VPS50: variants seen among roughly 807,000 people sequenced by gnomAD.
VPS50 encodes the protein VPS50 subunit of EARP/GARPII complex.
VPS50 carries 70 observed loss-of-function variants against 139.7 expected under a neutral mutation model. The ratio of observed to expected loss-of-function variants is 0.50; its 90% CI spans 0.41 to 0.61. VPS50 has a LOEUF of 0.61. Ranked by LOEUF, VPS50 falls within the 20% of genes least tolerant of loss-of-function variation. VPS50 has a pLI of 0.00. For missense variants in VPS50, 921 were observed against 1,133.7 expected (o/e 0.81, Z 2.69); for synonymous variants, 365 against 376.7 (o/e 0.97, Z 0.36).
chr7:93,322,663 G>A (rs2117019424), intron 20 of VPS50, among the ~76,000 whole-genome samples: 1 of 150,974 alleles, frequency 6.6e-6, no homozygotes, highest in Non-Finnish European at 1.5e-5. Flanking sequence ...ATGAAGTAGA[G>A]CCAGCACCTG....
intron 22 of VPS50, among the ~76,000 whole-genome samples, chr7:93,334,743 C>T (rs1798027390): frequency 6.6e-6 from 1 of 152,156 alleles, no homozygotes; most frequent in African/African-American, 2.4e-5. Context: ...ACTGTTGTCA[C>T]AGGATGAAAT....
intron 24 of VPS50, among the ~76,000 whole-genome samples, chr7:93,349,057 G>A (rs1037836673): frequency 6.6e-6 from 1 of 152,190 alleles, no homozygotes; most frequent in African/African-American, 2.4e-5. Context: ...GATAAGTACT[G>A]TGGTAAGGGG....
At chr7:93,262,933 G>T (rs1795729423) in intron 9 of VPS50, among the ~76,000 whole-genome samples, 1 of 152,182 alleles carries the variant, frequency 6.6e-6, no homozygotes, top group African/African-American at 2.4e-5. Flanking sequence ...TAAGGATAGA[G>T]TTAGTTGACA....
chr7:93,354,989 T>G (rs891282916), intron 26 of VPS50, among the ~76,000 whole-genome samples: 1 of 152,116 alleles, frequency 6.6e-6, no homozygotes, highest in East Asian at 1.9e-4. Context: ...CACTCTGTAT[T>G]GAAACCAGCA....
intron 16 of VPS50, among the ~76,000 whole-genome samples, chr7:93,302,979 C>CTAA (rs1242785259): frequency 1.3e-5 from 2 of 151,952 alleles, no homozygotes; most frequent in Non-Finnish European, 1.5e-5. Flanking sequence ...AGGCACTGAG[C>CTAA]TAAACATTTT....
chr7:93,269,192 G>T (rs952941199), intron 9 of VPS50, among the ~76,000 whole-genome samples: 1 of 151,988 alleles, frequency 6.6e-6, no homozygotes, highest in Non-Finnish European at 1.5e-5. Flanking sequence ...CTATCCTTTT[G>T]GGGGAATTAT....
At chr7:93,252,201 C>T (rs778210153) in intron 2 of VPS50, among the ~76,000 whole-genome samples, 46 of 152,018 alleles carry the variant, frequency 3.0e-4, no homozygotes, top group Non-Finnish European at 5.3e-4. Flanking sequence ...ATTTTTTTAG[C>T]AGGGTTGATG....
Position 93,334,797 on chromosome 7 carries a change from C to T in VPS50, c.2058+600C>T, listed in dbSNP as rs1184769491. 2.0e-5 allele frequency among the ~76,000 whole-genome samples: 3 copies of T among 152,278 alleles called. No homozygotes were observed. The East Asian group carries it at 5.8e-4, about 29-fold the overall frequency. The stretch of plus-strand genomic sequence containing the variant: ...GGTTAGATAGCAACACAGGGTTGAC[C>T]TCCTGTACTGTTTCAGCTAACATAA... On this transcript the variant is annotated intron_variant, in intron 22 of 27. Coordinates refer to ENST00000305866, the MANE Select transcript of VPS50 (RefSeq NM_017667.4).
chr7:93,322,988 A>C (rs1797662526), intron 20 of VPS50, among the ~76,000 whole-genome samples: 1 of 152,190 alleles, frequency 6.6e-6, no homozygotes, highest in African/African-American at 2.4e-5. Context: ...AATGAGAAAG[A>C]TATGTTCTTT....
chr7:93,318,469 A>G (rs1264718394), intron 20 of VPS50, among the ~76,000 whole-genome samples: 1 of 152,160 alleles, frequency 6.6e-6, no homozygotes, highest in Non-Finnish European at 1.5e-5. Flanking sequence ...CTTATGTGCT[A>G]TTATGGCTTT....
At chr7:93,253,835 T>G (rs1795407440) in intron 3 of VPS50, 25 bp from the exon 4 acceptor site, 2 of 1,384,932 alleles carry the variant, frequency 1.4e-6, no homozygotes, top group Non-Finnish European at 2.0e-6. Context: ...TTTTTTCCTC[T>G]TCTTTCATGA....
chr7:93,348,199 C>T (rs866820194), intron 23 of VPS50, among the ~76,000 whole-genome samples: 2 of 152,176 alleles, frequency 1.3e-5, no homozygotes, highest in African/African-American at 2.4e-5. Flanking sequence ...AGCCCACTGA[C>T]TCCCATTCCT....
intron 13 of VPS50, among the ~76,000 whole-genome samples, chr7:93,292,242 A>T (rs1299902902): frequency 1.3e-5 from 2 of 152,122 alleles, no homozygotes; most frequent in Admixed American, 6.6e-5. Flanking sequence ...CTAGGTTCTA[A>T]GAATTAATTA....
chr7:93,327,155 T>C (rs1179950711), intron 21 of VPS50, among the ~76,000 whole-genome samples: 5 of 152,172 alleles, frequency 3.3e-5, no homozygotes, highest in East Asian at 1.9e-4. Context: ...AATTTCACAA[T>C]AGTGGAAACG....
Position 93,349,926 on chromosome 7 carries a change from G to A in VPS50, c.2356G>A (p.Gly786Ser). The change falls in exon 25 of 28, where the codon GGT becomes AGT. Residue 786 changes from glycine to serine, a missense_variant. Physicochemically the swap from Gly to Ser is moderately conservative, Grantham distance 56. Around this residue, in one of 3 missense-constraint regions of VPS50, gnomAD observed 744 missense variants for 930.6 expected, o/e 0.80. Coordinates refer to ENST00000305866, the MANE Select transcript of VPS50 (RefSeq NM_017667.4). ...GAAACCAATTTACTGGATTGTAGCT[G>A]GTAAAGCCCTTGATTATGAACAGAT... Reference protein sequence around the residue: ...LRKPIYWIVAGKALDYEQMLL... With the variant: ...LRKPIYWIVASKALDYEQMLL... The A allele has an allele frequency of 6.2e-7, 1 of 1,613,292 alleles. No homozygotes were observed. Among genetic ancestry groups the A allele is most frequent in the Non-Finnish European group, 8.5e-7 (1 of 1,179,372 alleles).
In VPS50 at chr7:93,253,905, G is replaced by A. The variant is rs1188965658; in HGVS notation, c.271G>A (p.Asp91Asn). The change falls in exon 4 of 28, where the codon GAC (aspartate) becomes AAC (asparagine). Residue 91 changes from aspartate (D) to asparagine (N), a missense_variant. Asp to Asn is a conservative substitution (Grantham distance 23). Transcript: ENST00000305866. ...LNLQELEAYR[D>N]KLKQQQAAVS... Reference sequence around the variant, plus strand: ...TTTGCAAGAATTAGAGGCGTATAGAGACAAATTGAAACAACAGCAAGCTGC... The same window carrying A: ...TTTGCAAGAATTAGAGGCGTATAGAAACAAATTGAAACAACAGCAAGCTGC... The A allele has an allele frequency of 6.3e-7, 1 of 1,597,340 alleles. No individual in the cohort carries two copies.
chr7:93,263,029 C>CT (rs899730316), intron 9 of VPS50, among the ~76,000 whole-genome samples: 8 of 151,214 alleles, frequency 5.3e-5, no homozygotes, highest in East Asian at 1.9e-4. Context: ...AGATACACCT[C>CT]TTTTTTTTTG....
intron 23 of VPS50, among the ~76,000 whole-genome samples, chr7:93,345,637 G>A (rs949189574): frequency 5.9e-5 from 9 of 152,192 alleles, no homozygotes; most frequent in African/African-American, 1.9e-4. Flanking sequence ...CCATGATCAA[G>A]TGGGCTTCAT....
rs567729223 is a variant in VPS50 at position 93,306,075 on chromosome 7, T to A, written c.1629+71T>A. On this transcript the variant is annotated intron_variant, in intron 18 of 27. Coordinates refer to ENST00000305866, the MANE Select transcript of VPS50 (RefSeq NM_017667.4). ...CTGTTCTACTCAATGAACAAGGCAA[T>A]TCACTACATTTACGTATCCATTTAC... is the stretch of plus-strand genomic sequence containing the variant. The A allele has an allele frequency of 6.5e-4, 725 of 1,114,720 alleles. 1 individual carries two copies. The highest frequency in any genetic ancestry group is 8.5e-4 in the Non-Finnish European group (631 of 744,924). The allele number at this position is 1,114,720 out of a possible 1,614,324, so 69.1% of individuals were successfully genotyped here.
Sources: gnomAD v4.1 joint callset for allele counts (sites outside exome capture counted in the v4.1 genomes callset) on GRCh38, gnomAD v4.1.1 for gene constraint, gnomAD v4.1.1 regional missense constraint, MANE v1.5 for transcripts, NCBI Gene and HGNC (gene_info 2026-07-23, HGNC 2026-07-21) for gene names.